Variants in PSD3 observed in about 807,000 individuals in gnomAD.
PSD3 encodes pleckstrin and Sec7 domain containing 3.
In PSD3, 49 loss-of-function variants were observed where a neutral mutation model predicts 105.5. The observed-to-expected ratio is 0.46, with a 90% CI of 0.37 to 0.59. The LOEUF (loss-of-function observed/expected upper bound fraction) is 0.59, where lower values mean the gene tolerates loss of function less well. Among genes scored for constraint, PSD3 ranks in the 20% least tolerant of loss-of-function variants. The pLI is 0.00. For missense variants in PSD3, 1,561 were observed against 1,263.8 expected (o/e 1.24, Z -3.57); for synonymous variants, 557 against 457.8 (o/e 1.22, Z -2.77).
At chr8:18,542,274 T>C (rs910407378) in intron 15 of PSD3, among the ~76,000 whole-genome samples, 7 of 152,190 alleles carry the variant, frequency 4.6e-5, no homozygotes, top group African/African-American at 1.7e-4. Flanking sequence ...AAGGATTATT[T>C]ATATCTGGAA....
chr8:18,574,264 C>T (rs1802340528), intron 13 of PSD3, among the ~76,000 whole-genome samples: 1 of 152,216 alleles, frequency 6.6e-6, no homozygotes, highest in African/African-American at 2.4e-5. Context: ...GGCACCCTCT[C>T]TAGGCTGATC....
chr8:18,561,798 C>T (rs1171209663), intron 14 of PSD3, among the ~76,000 whole-genome samples: 5 of 152,106 alleles, frequency 3.3e-5, no homozygotes, highest in Non-Finnish European at 5.9e-5. Context: ...TCTATGAAGA[C>T]AGTATTGCTT....
At chr8:18,538,396 T>C (rs1451009640) in intron 15 of PSD3, among the ~76,000 whole-genome samples, 4 of 152,226 alleles carry the variant, frequency 2.6e-5, no homozygotes, top group Admixed American at 2.0e-4. Flanking sequence ...ATCAGAGGAC[T>C]GAACAAGATA....
chr8:18,729,076 G>T (rs1253297562), intron 9 of PSD3, among the ~76,000 whole-genome samples: 1 of 152,062 alleles, frequency 6.6e-6, no homozygotes, highest in Non-Finnish European at 1.5e-5. Context: ...CAAAGAAAAA[G>T]AACAGCTGTA....
At chr8:18,638,154 C>CAAAA (rs34328764) in intron 10 of PSD3, among the ~76,000 whole-genome samples, 3 of 72,242 alleles carry the variant, frequency 4.2e-5, no homozygotes, top group Admixed American at 1.5e-4. Flanking sequence ...GATTCCATCT[C>CAAAA]AAAAAAAAAA....
chr8:18,840,282 T>A (rs1268267209), intron 4 of PSD3, among the ~76,000 whole-genome samples: 1 of 152,074 alleles, frequency 6.6e-6, no homozygotes, highest in Non-Finnish European at 1.5e-5. Flanking sequence ...TTGTGTGGGG[T>A]GCATTAAACC....
At chr8:18,808,770 C>T in intron 4 of PSD3, 7 of 1,614,098 alleles carry the variant, frequency 4.3e-6, no homozygotes, top group Non-Finnish European at 4.2e-6. Flanking sequence ...ACCATACAGA[C>T]ACCAAGAAGA....
At chr8:18,949,802 A>G (rs1408767760) in intron 1 of PSD3, among the ~76,000 whole-genome samples, 1 of 152,246 alleles carries the variant, frequency 6.6e-6, no homozygotes, top group Non-Finnish European at 1.5e-5. Context: ...TCCTGAAAAT[A>G]TAAATTTAGC....
At chr8:18,711,013 C>G (rs866190966) in intron 9 of PSD3, among the ~76,000 whole-genome samples, 17 of 152,084 alleles carry the variant, frequency 1.1e-4, no homozygotes, top group African/African-American at 4.1e-4. Context: ...AATTTCCGAC[C>G]TAGAATTTAA....
chr8:18,626,309 C>G (rs1227720772), intron 11 of PSD3, among the ~76,000 whole-genome samples: 2 of 151,364 alleles, frequency 1.3e-5, no homozygotes, highest in South Asian at 4.2e-4. Flanking sequence ...ACAAGTGTAT[C>G]AGCATTTAAA....
At chr8:18,650,362 T>G (rs1808382428) in intron 10 of PSD3, among the ~76,000 whole-genome samples, 1 of 152,190 alleles carries the variant, frequency 6.6e-6, no homozygotes, top group South Asian at 2.1e-4. Flanking sequence ...GAAAAATGCC[T>G]CAATGCCTTA....
intron 9 of PSD3, among the ~76,000 whole-genome samples, chr8:18,713,729 T>C (rs973464743): frequency 6.6e-6 from 1 of 152,154 alleles, no homozygotes; most frequent in Non-Finnish European, 1.5e-5. Flanking sequence ...ACATTCAATG[T>C]TATTCCAATC....
At chr8:19,003,377 G>T (rs570098913) in intron 1 of PSD3, among the ~76,000 whole-genome samples, 1 of 151,738 alleles carries the variant, frequency 6.6e-6, no homozygotes, top group African/African-American at 2.4e-5. Context: ...GCAAGACCCC[G>T]TCTTTAAAAA....
chr8:18,653,027 C>T (rs1404172197), intron 10 of PSD3, among the ~76,000 whole-genome samples: 2 of 152,130 alleles, frequency 1.3e-5, no homozygotes, highest in South Asian at 2.1e-4. Context: ...TCAAGATGTA[C>T]GTTGATTGAA....
intron 1 of PSD3, among the ~76,000 whole-genome samples, chr8:18,942,607 A>T (rs1822617620): frequency 6.6e-6 from 1 of 152,210 alleles, no homozygotes; most frequent in Non-Finnish European, 1.5e-5. Context: ...GTCCTAACTT[A>T]ACATGACTAA....
At chr8:18,623,659 A>AG (rs1314159164) in intron 11 of PSD3, among the ~76,000 whole-genome samples, 3 of 151,514 alleles carry the variant, frequency 2.0e-5, no homozygotes, top group Non-Finnish European at 4.4e-5. Flanking sequence ...AAAAAAAAAA[A>AG]AATTGTAAAA....
chr8:18,900,265 TAG>T (rs1219547733), intron 2 of PSD3, among the ~76,000 whole-genome samples: 1 of 152,232 alleles, frequency 6.6e-6, no homozygotes, highest in Non-Finnish European at 1.5e-5. Context: ...TAAATCATTG[TAG>T]AGTCTATAGG....
rs187824390 is a variant in PSD3, at chr8:18,539,017, G to C, written c.2929-3059C>G. Among the ~76,000 whole-genome samples, 26 of 152,210 alleles carry C rather than the reference G, an allele frequency of 1.7e-4. No individual in the cohort carries two copies. In the East Asian group the frequency reaches 4.1e-3, roughly 24 times the overall value. Reference sequence around the variant, plus strand: ...CGTGCCCCATTTCTGACTTAAAAAAGGCTTATAGGGACACAGGTTACAAAA... The same window carrying C: ...CGTGCCCCATTTCTGACTTAAAAAACGCTTATAGGGACACAGGTTACAAAA... On this transcript the variant is annotated intron_variant, in intron 15 of 15. Coordinates refer to ENST00000327040, the MANE Select transcript of PSD3 (RefSeq NM_015310.4).
At chr8:19,077,926 A>G (rs970847757) in intron 1 of PSD3, among the ~76,000 whole-genome samples, 6 of 152,162 alleles carry the variant, frequency 3.9e-5, no homozygotes, top group Admixed American at 3.9e-4. Context: ...AGTTGAAGAG[A>G]CCACATGCGG....
Sources: gnomAD v4.1 joint callset for allele counts (sites outside exome capture counted in the v4.1 genomes callset) on GRCh38, gnomAD v4.1.1 for gene constraint, MANE v1.5 for transcripts, NCBI Gene and HGNC (gene_info 2026-07-23, HGNC 2026-07-21) for gene names.